NLGN1: variants seen among roughly 807,000 people sequenced by gnomAD.
The protein encoded by NLGN1 is neuroligin-1.
In NLGN1, 12 loss-of-function variants were observed where a neutral mutation model predicts 65.5. The observed-to-expected ratio is 0.18, with a 90% CI of 0.12 to 0.30. The LOEUF is 0.30. Ranked by LOEUF, NLGN1 falls within the 10% of genes least tolerant of loss-of-function variation. NLGN1 has a pLI of 1.00. For missense variants in NLGN1, 750 were observed against 1,007.1 expected (o/e 0.74, Z 3.46); for synonymous variants, 350 against 359.5 (o/e 0.97, Z 0.30).
At chr3:173,590,407 C>T (rs968602325) in intron 2 of NLGN1, among the ~76,000 whole-genome samples, 3 of 152,088 alleles carry the variant, frequency 2.0e-5, no homozygotes, top group Non-Finnish European at 4.4e-5. Context: ...TGTTATTTCA[C>T]GCCACGGTCT....
At chr3:173,404,459 G>A (rs1415084700) in intron 1 of NLGN1, among the ~76,000 whole-genome samples, 3 of 152,126 alleles carry the variant, frequency 2.0e-5, no homozygotes, top group African/African-American at 4.8e-5. Flanking sequence ...TGGGCTCCTC[G>A]CCTCCAGGAG....
At chr3:173,800,926 T>C (rs1715346418) in intron 3 of NLGN1, among the ~76,000 whole-genome samples, 1 of 151,962 alleles carries the variant, frequency 6.6e-6, no homozygotes, top group South Asian at 2.1e-4. Context: ...ATTGTATACA[T>C]AAGAAAAGGC....
chr3:173,528,163 C>T (rs1735964667), intron 2 of NLGN1, among the ~76,000 whole-genome samples: 1 of 152,184 alleles, frequency 6.6e-6, no homozygotes, highest in East Asian at 1.9e-4. Flanking sequence ...GTGATGAATT[C>T]TCTTAGTGTT....
At chr3:174,096,691 T>C (rs1745596879) in intron 4 of NLGN1, among the ~76,000 whole-genome samples, 1 of 152,154 alleles carries the variant, frequency 6.6e-6, no homozygotes. Flanking sequence ...CCACCTGGCT[T>C]CTTTTATGTC....
Position 174,280,761 on chromosome 3 carries a change from G to A in NLGN1, c.1930G>A (p.Val644Ile), listed in dbSNP as rs900544772. The stretch of plus-strand genomic sequence containing the variant: ...TTTCAGACCTACGAGAAAAAATTCT[G>A]TACCTGTCACGTCAGCCTTTCCCAC... Residue 644 changes from valine (V) to isoleucine (I), a missense_variant, in exon 7 of 7, where the codon GTA (valine) becomes ATA (isoleucine). Coordinates refer to ENST00000457714, the Ensembl canonical transcript of NLGN1. This position sits in a 1 kb window ranked among gnomAD's most constrained non-coding sequence, Gnocchi z 4.9. The A allele has an allele frequency of 1.2e-6, 2 of 1,613,290 alleles. No homozygotes were observed. Among genetic ancestry groups the A allele is most frequent in the Non-Finnish European group, 1.7e-6 (2 of 1,179,558 alleles).
At chr3:174,293,667 A>C in the NLGN1 span, among the ~76,000 whole-genome samples, 5 of 151,702 alleles carry the variant, frequency 3.3e-5, no homozygotes, top group Admixed American at 1.3e-4. Context: ...TCACTGTATC[A>C]GTCCACAAAG....
rs111561156 is a variant in NLGN1, at chr3:173,967,862, T to G, written c.646+160030T>G. On this transcript the variant is annotated intron_variant, in intron 4 of 6. Transcript: ENST00000457714. ...TATTTCATTTTTCTTTTTTAGAAAT[T>G]TGACATAAAGCTTAGCCCTAGCATG... Among the ~76,000 whole-genome samples the G allele has an allele frequency of 2.1e-3, 323 of 152,288 alleles. 2 individuals carry two copies. The highest frequency in any genetic ancestry group is 7.6e-3 in the African/African-American group (316 of 41,572).
At chr3:173,806,491 A>T (rs895036873) in intron 3 of NLGN1, among the ~76,000 whole-genome samples, 16 of 152,190 alleles carry the variant, frequency 1.1e-4, no homozygotes, top group African/African-American at 3.6e-4. Flanking sequence ...ATATTGGCAT[A>T]AAAAAAGATA....
intron 3 of NLGN1, among the ~76,000 whole-genome samples, chr3:173,803,858 C>T (rs1420926718): frequency 1.3e-5 from 2 of 151,878 alleles, no homozygotes; most frequent in Non-Finnish European, 2.9e-5. Context: ...TTAATTGAGG[C>T]AATACTTCAC....
intron 4 of NLGN1, among the ~76,000 whole-genome samples, chr3:173,978,844 A>AG (rs1412822371): frequency 1.3e-5 from 2 of 150,706 alleles, no homozygotes; most frequent in African/African-American, 2.4e-5. Context: ...TAAAAAAAAA[A>AG]AAAAAAAAAA....
chr3:174,098,367 A>T (rs1711575571), intron 4 of NLGN1, among the ~76,000 whole-genome samples: 1 of 152,200 alleles, frequency 6.6e-6, no homozygotes, highest in South Asian at 2.1e-4. Context: ...CTTGTGCATG[A>T]TCACACTTTT....
intron 2 of NLGN1, among the ~76,000 whole-genome samples, chr3:173,456,380 G>T (rs900538710): frequency 1.2e-4 from 19 of 152,184 alleles, no homozygotes; most frequent in Admixed American, 1.2e-3. Context: ...ATGGACTGAG[G>T]CTCAGATTCT....
At chr3:173,813,070 A>G (rs4894630) in intron 4 of NLGN1, among the ~76,000 whole-genome samples, 127,681 of 151,580 alleles carry the variant, frequency 0.84, 54,650 homozygotes, top group African/African-American at 0.93. Context: ...AAGTAAGGAA[A>G]GGTAGAATAT....
In NLGN1 at chr3:174,279,889, C is replaced by G. The variant is rs1751260549; in HGVS notation, c.1649+239C>G. Among the ~76,000 whole-genome samples the G allele has an allele frequency of 6.6e-6, 1 of 151,880 alleles. No individual in the cohort carries two copies. The highest frequency in any genetic ancestry group is 2.1e-4 in the South Asian group (1 of 4,830). ...TCTCAATTGCATTACTTAATTACATCTGCTTTTGGTTTTTGAATTATACAA... is the reference window on the plus strand; with the variant it reads ...TCTCAATTGCATTACTTAATTACATGTGCTTTTGGTTTTTGAATTATACAA... On this transcript the variant is annotated intron_variant, in intron 6 of 6. Transcript: ENST00000457714. The surrounding 1 kb of genome is among the most constrained non-coding windows in gnomAD (Gnocchi z 4.7).
At chr3:174,259,858 C>G (rs565435944) in intron 4 of NLGN1, among the ~76,000 whole-genome samples, 1 of 141,152 alleles carries the variant, frequency 7.1e-6, no homozygotes, top group Non-Finnish European at 1.5e-5. Context: ...CCACAGTCCC[C>G]AGAGTGTAAT....
intron 2 of NLGN1, among the ~76,000 whole-genome samples, chr3:173,467,675 TG>T (rs917564449): frequency 1.3e-5 from 2 of 152,160 alleles, no homozygotes; most frequent in African/African-American, 4.8e-5. Context: ...AGATAATGTA[TG>T]GGGTAACACC....
rs909860928 is a variant in NLGN1, at chr3:174,201,266, G to GAAGGA, written c.647-74032_647-74028dup. 8.6e-5 allele frequency among the ~76,000 whole-genome samples: 12 copies of GAAGGA among 138,956 alleles called. No homozygotes were observed. In the South Asian group the frequency reaches 1.3e-3, roughly 15 times the overall value. 91.2% of individuals were successfully genotyped at this position (138,956 alleles called of 152,430 possible). On this transcript the variant is annotated intron_variant, in intron 4 of 6. Transcript: ENST00000457714. ...TCGAAAAGAACAGGAACAGGAACAG[G>GAAGGA]AAGGAAAGGAAAGGAAAGGAACGGA...
Position 173,683,135 on chromosome 3 carries a change from G to A in NLGN1, c.493+78044G>A, listed in dbSNP as rs1764202225. 2.0e-5 allele frequency among the ~76,000 whole-genome samples: 3 copies of A among 152,126 alleles called. No homozygotes were observed. The Middle Eastern group carries it at 0.01, about 517-fold the overall frequency. Reference sequence around the variant, plus strand: ...CCCATTTAGTATTAAAATGCAGCTGGCATGTATTTATAAATGATGTATAAG... The same window carrying A: ...CCCATTTAGTATTAAAATGCAGCTGACATGTATTTATAAATGATGTATAAG... On this transcript the variant is annotated intron_variant, in intron 3 of 6. Transcript: ENST00000457714.
intron 1 of NLGN1, among the ~76,000 whole-genome samples, chr3:173,428,134 T>A (rs1287588370): frequency 6.6e-6 from 1 of 151,932 alleles, no homozygotes; most frequent in African/African-American, 2.4e-5. Context: ...CTACTGCTTT[T>A]TTATGGTTTC....
Sources: allele counts gnomAD v4.1 joint callset (sites outside exome capture counted in the v4.1 genomes callset), GRCh38; gene constraint gnomAD v4.1.1; non-coding constraint Gnocchi (gnomAD v3.1); transcripts MANE v1.5; gene names NCBI Gene and HGNC (gene_info 2026-07-23, HGNC 2026-07-21).